Variants in NNMT observed in about 807,000 individuals in gnomAD.
NNMT encodes nicotinamide N-methyltransferase.
In NNMT, 10 loss-of-function variants were observed where a neutral mutation model predicts 11.7. That is an observed-to-expected ratio of 0.85 (90% CI 0.53 to 1.45). NNMT has a LOEUF of 1.45. Among genes scored for constraint, NNMT ranks in the 40% most tolerant of loss-of-function variants. NNMT has a pLI of 0.00. For missense variants in NNMT, 381 were observed against 319.4 expected (o/e 1.19, Z -1.47); for synonymous variants, 143 against 133.8 (o/e 1.07, Z -0.48).
At chr11:114,261,187 C>T (rs768416575) in intron 1 of NNMT, among the ~76,000 whole-genome samples, 10 of 152,176 alleles carry the variant, frequency 6.6e-5, no homozygotes, top group Non-Finnish European at 1.5e-4. Flanking sequence ...AGGCTGCTGC[C>T]GGCATCTCCG....
chr11:114,297,700 T>A (rs773218581), intron 1 of NNMT, among the ~76,000 whole-genome samples: 22 of 152,204 alleles, frequency 1.4e-4, no homozygotes, highest in Non-Finnish European at 2.4e-4. Context: ...TTGTCCAGGC[T>A]GGTCTCATCC....
rs569758800 is a variant in NNMT at position 114,313,533 on chromosome 11, T to C, written c.*1056T>C. On this transcript the variant is annotated 3_prime_UTR_variant, in exon 3 of 3. Coordinates refer to ENST00000299964, the MANE Select transcript of NNMT (RefSeq NM_006169.3). ...ATAAAATAAAGTGAATTGTTACATGTAAAGGACCTAGAATATTGCATGGTG... is the reference window on the plus strand; with the variant it reads ...ATAAAATAAAGTGAATTGTTACATGCAAAGGACCTAGAATATTGCATGGTG... 2.3e-3 allele frequency among the ~76,000 whole-genome samples: 347 copies of C among 152,282 alleles called. 1 individual carries two copies. The highest frequency in any genetic ancestry group is 7.9e-3 in the African/African-American group (328 of 41,564).
At position 114,312,475 on chromosome 11, in the gene NNMT, TG is replaced by T; in HGVS notation, c.794del (p.Ter265TyrfsTer7). The T allele has an allele frequency of 6.2e-7, 1 of 1,611,546 alleles. No individual in the cohort carries two copies. Among genetic ancestry groups the T allele is most frequent in the South Asian group, 1.1e-5 (1 of 91,042 alleles). On this transcript the variant is annotated frameshift_variant and stop_lost, in exon 3 of 3. Transcript: ENST00000299964. LOFTEE classifies it high-confidence loss of function. Reference protein sequence around the residue: ...LVARKLSRPL* With the variant: ...LVARKLSRPLX ...GGCGAGGAAGCTGAGCAGACCCCTG[TG>T]ATGCCTGTGACCTCAATTAAAGCAA...
chr11:114,259,163 G>A (rs1029637926), intron 1 of NNMT, among the ~76,000 whole-genome samples: 4 of 152,220 alleles, frequency 2.6e-5, no homozygotes, highest in Middle Eastern at 3.4e-3. Flanking sequence ...ATAGGCACCC[G>A]GTAAATCTTT....
chr11:114,272,004 T>TG (rs1391604611), intron 2 of NNMT, among the ~76,000 whole-genome samples: 2 of 152,124 alleles, frequency 1.3e-5, no homozygotes, highest in Non-Finnish European at 2.9e-5. Flanking sequence ...GGTGAATACC[T>TG]GGGAGAGGAA....
chr11:114,306,699 T>C (rs572220482), intron 2 of NNMT, among the ~76,000 whole-genome samples: 2 of 152,192 alleles, frequency 1.3e-5, no homozygotes, highest in African/African-American at 4.8e-5. Flanking sequence ...TTCTGTTCCA[T>C]TGTTCTACAT....
At position 114,312,226 on chromosome 11, in the gene NNMT, A is replaced by C. The variant is rs1945557851; in HGVS notation, c.544A>C (p.Asn182His). The C allele has an allele frequency of 1.2e-6, 2 of 1,614,070 alleles. No individual in the cohort carries two copies. The highest frequency in any genetic ancestry group is 2.2e-5 in the South Asian group (2 of 91,078). ...CCCCACCTACTGCAGGGCGCTCAGG[A>C]ACCTCGGCAGCCTACTGAAGCCAGG... ...DLPTYCRALR[N>H]LGSLLKPGGF... Residue 182 changes from asparagine to histidine, a missense_variant, in exon 3 of 3, where the codon AAC (asparagine) becomes CAC (histidine). Asn to His is a moderately conservative substitution (Grantham distance 68, BLOSUM62 1). Coordinates refer to ENST00000299964, the MANE Select transcript of NNMT (RefSeq NM_006169.3).
rs1036069338 is a variant in NNMT at position 114,313,025 on chromosome 11, C to T, written c.*548C>T. 5.3e-5 allele frequency: 8 copies of T among 152,174 alleles called. No individual in the cohort carries two copies. The highest frequency in any genetic ancestry group is 1.9e-4 in the African/African-American group (8 of 41,480). The allele number at this position is 152,174 out of a possible 1,614,324, so 9.4% of individuals were successfully genotyped here. On this transcript the variant is annotated 3_prime_UTR_variant, in exon 3 of 3. Coordinates refer to ENST00000299964, the MANE Select transcript of NNMT (RefSeq NM_006169.3). Reference sequence around the variant, plus strand: ...AGCATTTCTGTTCATCCCAGCAATCCAAAAAAAAATTTTTTTAAGCTACAA... The same window carrying T: ...AGCATTTCTGTTCATCCCAGCAATCTAAAAAAAAATTTTTTTAAGCTACAA...
At chr11:114,266,747 G>C (rs1415663460) in intron 2 of NNMT, among the ~76,000 whole-genome samples, 2 of 152,166 alleles carry the variant, frequency 1.3e-5, no homozygotes, top group Admixed American at 1.3e-4. Context: ...TACCTTGATA[G>C]TGGCTTTGTT....
chr11:114,278,612 ATGTGTGTGTG>A (rs3057704), intron 2 of NNMT, among the ~76,000 whole-genome samples: 5 of 147,026 alleles, frequency 3.4e-5, no homozygotes, highest in Non-Finnish European at 6.0e-5. Flanking sequence ...CCTAATACTC[ATGTGTGTGTG>A]TGTGTGTGTG....
rs1218867975 is a variant in NNMT, at chr11:114,312,541, A to G, written c.*64A>G. On this transcript the variant is annotated 3_prime_UTR_variant, in exon 3 of 3. Transcript: ENST00000299964. Reference sequence around the variant, plus strand: ...CCAGTTGACTTTAGTCCTTGTTTCTAACTGCCAAGTCATGTGCTGAGTAGA... The same window carrying G: ...CCAGTTGACTTTAGTCCTTGTTTCTGACTGCCAAGTCATGTGCTGAGTAGA... 6 of 1,499,668 alleles carry G rather than the reference A, an allele frequency of 4.0e-6. No homozygotes were observed. The highest frequency in any genetic ancestry group is 5.4e-6 in the Non-Finnish European group (6 of 1,102,400). The allele number at this position is 1,499,668 out of a possible 1,614,324, so 92.9% of individuals were successfully genotyped here.
chr11:114,280,775 T>C (rs1449206652), intron 2 of NNMT, among the ~76,000 whole-genome samples: 3 of 152,062 alleles, frequency 2.0e-5, no homozygotes, highest in Non-Finnish European at 4.4e-5. Context: ...TTTCACTCTC[T>C]GGGCACAAGA....
intron 2 of NNMT, among the ~76,000 whole-genome samples, chr11:114,279,867 T>G (rs1945246564): frequency 6.6e-6 from 1 of 152,094 alleles, no homozygotes; most frequent in Middle Eastern, 3.2e-3. Context: ...GGGGAGATAA[T>G]GGAGTCTTTA....
At chr11:114,273,098 T>C (rs1945184027) in intron 2 of NNMT, among the ~76,000 whole-genome samples, 1 of 152,190 alleles carries the variant, frequency 6.6e-6, no homozygotes, top group African/African-American at 2.4e-5. Context: ...TGTGGTATGT[T>C]TCCTGCTGGC....
At chr11:114,262,474 T>C (rs1345485545) in intron 1 of NNMT, among the ~76,000 whole-genome samples, 1 of 152,180 alleles carries the variant, frequency 6.6e-6, no homozygotes, top group Non-Finnish European at 1.5e-5. Context: ...TTTGTCGAAC[T>C]GCCCTTTTAA....
chr11:114,294,163 G>T (rs1231079045), upstream of NNMT, among the ~76,000 whole-genome samples: 1 of 152,064 alleles, frequency 6.6e-6, no homozygotes, highest in African/African-American at 2.4e-5. Flanking sequence ...GGGTAGGGGG[G>T]ATGTGGGGAT....
At chr11:114,285,490 A>G (rs1424449107) in intron 2 of NNMT, among the ~76,000 whole-genome samples, 1 of 152,198 alleles carries the variant, frequency 6.6e-6, no homozygotes, top group African/African-American at 2.4e-5. Context: ...GCTCATATTA[A>G]TCAGCTCTGG....
intron 1 of NNMT, among the ~76,000 whole-genome samples, chr11:114,260,009 A>G (rs147299506): frequency 1.3e-5 from 2 of 152,152 alleles, no homozygotes; most frequent in Non-Finnish European, 2.9e-5. Flanking sequence ...CTTCATCCAT[A>G]CCTACTCTGG....
intron 1 of NNMT, among the ~76,000 whole-genome samples, chr11:114,260,556 CG>C (rs980456842): frequency 6.6e-6 from 1 of 152,218 alleles, no homozygotes; most frequent in African/African-American, 2.4e-5. Context: ...AGGCCCGCTC[CG>C]GGCTCCGGTG....
Sources: allele counts gnomAD v4.1 joint callset (sites outside exome capture counted in the v4.1 genomes callset), GRCh38; gene constraint gnomAD v4.1.1; transcripts MANE v1.5; gene names NCBI Gene and HGNC (gene_info 2026-07-23, HGNC 2026-07-21).